The following ALOX15 variants were observed in gnomAD, a reference collection of about 807,000 sequenced individuals.
ALOX15 encodes the protein arachidonate 15-lipoxygenase.
ALOX15 carries 68 observed loss-of-function variants against 71.7 expected under a neutral mutation model. The observed-to-expected ratio is 0.95, with a 90% CI of 0.78 to 1.16. The LOEUF is 1.16. ALOX15 is among the 50% of genes most tolerant of loss of function. The pLI, the probability that ALOX15 is intolerant of heterozygous loss-of-function variation, is 0.00. For synonymous variants in ALOX15, 346 were observed against 333.3 expected, an observed-to-expected ratio of 1.04 and a Z score of -0.42; for missense variants, 798 against 818.8, an observed-to-expected ratio of 0.97 and a Z score of 0.31.
chr17:4,634,706 C>T (rs1256743999), intron 8 of ALOX15, among the ~76,000 whole-genome samples: 2 of 151,050 alleles, frequency 1.3e-5, no homozygotes, highest in East Asian at 4.0e-4. Flanking sequence ...TGGCCGGCCA[C>T]GGTGGCTCAC....
At chr17:4,634,474 T>C (rs1380555460) in intron 8 of ALOX15, among the ~76,000 whole-genome samples, 2 of 151,538 alleles carry the variant, frequency 1.3e-5, no homozygotes, top group African/African-American at 4.8e-5. Flanking sequence ...GGCCTCCTTT[T>C]CTTTTCATAT....
Position 4,636,074 on chromosome 17 carries a change from T to C in ALOX15, c.952-106A>G, listed in dbSNP as rs1911085760. 3 of 1,232,340 alleles carry C rather than the reference T, an allele frequency of 2.4e-6. No homozygotes were observed. In the East Asian group the frequency reaches 7.5e-5, roughly 31 times the overall value. The allele number at this position is 1,232,340 out of a possible 1,614,324, so 76.3% of individuals were successfully genotyped here. On this transcript the variant is annotated intron_variant, in intron 7 of 13. Transcript: ENST00000293761. The stretch of plus-strand genomic sequence containing the variant: ...CACCCTTCGTCCTCCAAACCTGTTC[T>C]GCTTTCCCCATCTCACTCCTGCCGC...
chr17:4,632,257 C>T lies in ALOX15; in HGVS notation c.1565G>A (p.Arg522Gln), dbSNP rs779612806. 53 of 1,613,706 alleles carry T rather than the reference C, an allele frequency of 3.3e-5. No homozygotes were observed. The highest frequency in any genetic ancestry group is 1.6e-4 in the Middle Eastern group (1 of 6,082). The change falls in exon 12 of 14, where the codon CGG becomes CAG. Residue 522 changes from arginine to glutamine, a missense_variant. Around this residue, in one of 3 missense-constraint regions of ALOX15, gnomAD observed 490 missense variants for 509.4 expected, o/e 0.96. Transcript: ENST00000293761. ...GGTGACAAAGTGGCAAACCTGGTCCCGAGCCTGTAAAGAGACAGGAAACCC... is the reference window on the plus strand; with the variant it reads ...GGTGACAAAGTGGCAAACCTGGTCCTGAGCCTGTAAAGAGACAGGAAACCC... ...DRGFPVSLQA[R>Q]DQVCHFVTMC...
At chr17:4,632,500 G>A (rs1343934091) in intron 11 of ALOX15, among the ~76,000 whole-genome samples, 3 of 152,158 alleles carry the variant, frequency 2.0e-5, no homozygotes, top group Non-Finnish European at 2.9e-5. Flanking sequence ...ACACTGGCTC[G>A]CAAGAGTCAG....
intron 8 of ALOX15, among the ~76,000 whole-genome samples, chr17:4,634,372 G>T (rs868309278): frequency 3.3e-5 from 5 of 151,180 alleles, no homozygotes; most frequent in Admixed American, 3.3e-4. Context: ...GTGTGATCTC[G>T]GCTCACTGCA....
chr17:4,635,883 C>T lies in ALOX15; in HGVS notation c.1037G>A (p.Trp346Ter), dbSNP rs749428630. ...PPMAWLLAKC[W>*]VRSSDFQLHE... ...GAGCTGGAAGTCAGAGCTGCGCACCCAGCATTTGGCCAGAAGCCAGGCCAT... is the reference window on the plus strand; with the variant it reads ...GAGCTGGAAGTCAGAGCTGCGCACCTAGCATTTGGCCAGAAGCCAGGCCAT... Residue 346 changes from tryptophan to a stop codon, truncating the protein, a stop_gained, in exon 8 of 14, where the codon TGG becomes TAG. Transcript: ENST00000293761. LOFTEE classifies it high-confidence loss of function. 1 of 1,614,230 alleles carries T rather than the reference C, an allele frequency of 6.2e-7. No homozygotes were observed. The highest frequency in any genetic ancestry group is 1.1e-5 in the South Asian group (1 of 91,088).
Position 4,632,204 on chromosome 17 carries a change from G to A in ALOX15, c.1618C>T (p.His540Tyr), listed in dbSNP as rs751774986. 1.2e-6 allele frequency: 2 copies of A among 1,614,234 alleles called. No individual in the cohort carries two copies. The highest frequency in any genetic ancestry group is 4.5e-5 in the East Asian group (2 of 44,884). ...TMCIFTCTGQHASVHLGQLDW... is the reference protein window; with the variant it reads ...TMCIFTCTGQYASVHLGQLDW... ...ACCTGGCCCAGGTGCACAGAGGCGT[G>A]TTGGCCGGTGCAGGTGAAGATACAC... Residue 540 changes from histidine (H) to tyrosine (Y), a missense_variant, in exon 12 of 14, where the codon CAC (histidine) becomes TAC (tyrosine). This residue lies in a region of ALOX15 where 490 missense variants were observed against 509.4 expected (regional missense o/e 0.96). Coordinates refer to ENST00000293761, the MANE Select transcript of ALOX15 (RefSeq NM_001140.5).
rs748175688 is a variant in ALOX15 at position 4,631,687 on chromosome 17, A to G, written c.1902T>C (p.Asp634=). 1 of 1,614,048 alleles carries G rather than the reference A, an allele frequency of 6.2e-7. No individual in the cohort carries two copies. The highest frequency in any genetic ancestry group is 1.3e-5 in the African/African-American group (1 of 74,900). ...KKFREELAAL[D]KEIEIRNAKL... ...TTGCATTCCGGATCTCAATTTCCTT[A>G]TCCAGGGCAGCCAGCTCCTCCCTGA... Residue 634 remains aspartate, a synonymous_variant, in exon 14 of 14, where the codon GAT becomes GAC. Coordinates refer to ENST00000293761, the MANE Select transcript of ALOX15 (RefSeq NM_001140.5).
In ALOX15 at chr17:4,639,129, C is replaced by T. The variant is rs773906564; in HGVS notation, c.341G>A (p.Arg114His). 10 of 1,614,144 alleles carry T rather than the reference C, an allele frequency of 6.2e-6. No individual in the cohort carries two copies. Among genetic ancestry groups the T allele is most frequent in the South Asian group, 1.1e-5 (1 of 91,084 alleles). Residue 114 changes from arginine (R) to histidine (H), a missense_variant, in exon 3 of 14, where the codon CGC (arginine) becomes CAC (histidine). Physicochemically the swap from Arg to His is conservative, Grantham distance 29. Transcript: ENST00000293761. ...GCCCTGAGGGTCCTCGCCCACAGTG[C>T]GGCCTAGAAGGACAGAGGAGGACTT... ...GVLSLPEGTGRTVGEDPQGLF... is the reference protein window; with the variant it reads ...GVLSLPEGTGHTVGEDPQGLF...
Position 4,631,847 on chromosome 17 carries a change from C to T in ALOX15, c.1809+42G>A, listed in dbSNP as rs762529042. On this transcript the variant is annotated intron_variant, in intron 13 of 13. Transcript: ENST00000293761. ...CAGTCTGGGATGCCACACGTCCCCA[C>T]AGCTGCCTCCTTCCTTAGGGCCCTG... is the stretch of plus-strand genomic sequence containing the variant. 4.4e-6 allele frequency: 7 copies of T among 1,607,706 alleles called. No individual in the cohort carries two copies. In the Admixed American group the frequency reaches 1.0e-4, roughly 23 times the overall value.
intron 4 of ALOX15, 23 bp downstream of exon 4, chr17:4,638,827 A>G: frequency 6.2e-7 from 1 of 1,613,870 alleles, no homozygotes; most frequent in Non-Finnish European, 8.5e-7. Flanking sequence ...CCTCCCTCTC[A>G]CCCAGCCTCC....
chr17:4,641,019 G>T (rs1446551090), intron 1 of ALOX15, among the ~76,000 whole-genome samples: 3 of 150,902 alleles, frequency 2.0e-5, no homozygotes, highest in East Asian at 4.2e-4. Flanking sequence ...AACAGGACCG[G>T]GTAGAACACC....
At chr17:4,635,129 C>T (rs1911052351) in intron 8 of ALOX15, among the ~76,000 whole-genome samples, 1 of 151,314 alleles carries the variant, frequency 6.6e-6, no homozygotes, top group Non-Finnish European at 1.5e-5. Flanking sequence ...TCTTTCAGTT[C>T]TTTAAAGAAG....
rs1309399724 is a variant in ALOX15 at position 4,632,919 on chromosome 17, C to T, written c.1482G>A (p.Glu494=). 1 of 1,614,152 alleles carries T rather than the reference C, an allele frequency of 6.2e-7. No individual in the cohort carries two copies. The highest frequency in any genetic ancestry group is 1.7e-5 in the Admixed American group (1 of 60,016). The change falls in exon 11 of 14, where the codon GAG becomes GAA. Residue 494 remains glutamate, a synonymous_variant. Transcript: ENST00000293761. ...KTDVAVKDDP[E]LQTWCREITE... ...TGATCTCTCGACACCAGGTCTGCAGCTCTGGGTCGTCTTTCACAGCCACGT... is the reference window on the plus strand; with the variant it reads ...TGATCTCTCGACACCAGGTCTGCAGTTCTGGGTCGTCTTTCACAGCCACGT...
chr17:4,631,623 C>T lies in ALOX15; in HGVS notation c.1966G>A (p.Val656Met). Reference sequence around the variant, plus strand: ...GCTTAGATGGCCACACTGTTTTCCACCACGCTGGGCCGCAGGTACTCGTAG... The same window carrying T: ...GCTTAGATGGCCACACTGTTTTCCATCACGCTGGGCCGCAGGTACTCGTAG... ...MPYEYLRPSV[V>M]ENSVAI Residue 656 changes from valine to methionine, a missense_variant, in exon 14 of 14, where the codon GTG becomes ATG. Transcript: ENST00000293761. 7.4e-6 allele frequency: 12 copies of T among 1,613,490 alleles called. No individual in the cohort carries two copies. Among genetic ancestry groups the T allele is most frequent in the Non-Finnish European group, 1.0e-5 (12 of 1,180,016 alleles).
At chr17:4,638,051 A>C in intron 6 of ALOX15, among the ~76,000 whole-genome samples, 166 bp downstream of exon 6, 1 of 152,140 alleles carries the variant, frequency 6.6e-6, no homozygotes, top group East Asian at 1.9e-4. Flanking sequence ...TGTAGGAAGG[A>C]GGCCGAGCAG....
chr17:4,634,065 A>C (rs924040587), intron 8 of ALOX15, among the ~76,000 whole-genome samples: 3 of 152,176 alleles, frequency 2.0e-5, no homozygotes, highest in Non-Finnish European at 4.4e-5. Context: ...GGGATCCAAA[A>C]ACTACCTATG....
At chr17:4,638,779 C>A in intron 4 of ALOX15, 71 bp downstream of exon 4, 6 of 1,612,802 alleles carry the variant, frequency 3.7e-6, no homozygotes, top group Non-Finnish European at 4.2e-6. Context: ...CAATGCAGTG[C>A]AGCCCATAAG....
At chr17:4,640,813 A>C (rs1274594941) in intron 1 of ALOX15, among the ~76,000 whole-genome samples, 1 of 150,044 alleles carries the variant, frequency 6.7e-6, no homozygotes, top group Non-Finnish European at 1.5e-5. Flanking sequence ...TCTTGTTTAG[A>C]GGGAGGTGAA....
Sources: gnomAD v4.1 joint callset for allele counts (sites outside exome capture counted in the v4.1 genomes callset) on GRCh38, gnomAD v4.1.1 for gene constraint, gnomAD v4.1.1 regional missense constraint, MANE v1.5 for transcripts, NCBI Gene and HGNC (gene_info 2026-07-23, HGNC 2026-07-21) for gene names.